The following PCDHGA3 variants were observed in gnomAD, a reference collection of about 807,000 sequenced individuals.
The protein encoded by PCDHGA3 is protocadherin gamma-A3.
In PCDHGA3, 40 loss-of-function variants were observed where a neutral mutation model predicts 58.5. That is an observed-to-expected ratio of 0.68 (90% CI 0.53 to 0.89). The LOEUF (loss-of-function observed/expected upper bound fraction) is 0.89, where lower values mean the gene tolerates loss of function less well. Ranked by LOEUF, PCDHGA3 falls within the 40% of genes least tolerant of loss-of-function variation. The pLI is 0.00. For synonymous variants in PCDHGA3, 530 were observed against 525.7 expected (o/e 1.01, Z -0.11); for missense variants, 1,223 against 1,195.9 (o/e 1.02, Z -0.33).
At chr5:141,481,894 A>G (rs1278425155) in intron 1 of PCDHGA3, among the ~76,000 whole-genome samples, 1 of 145,812 alleles carries the variant, frequency 6.9e-6, no homozygotes, top group Non-Finnish European at 1.5e-5. Flanking sequence ...AGCCTGGGTG[A>G]AAGAGCGAAA....
intron 1 of PCDHGA3, chr5:141,409,744 G>A (rs1255485257): frequency 6.2e-7 from 1 of 1,612,978 alleles, no homozygotes; most frequent in Non-Finnish European, 8.5e-7. Flanking sequence ...GCGGGGTGGT[G>A]TTCGCGCAGC....
At chr5:141,450,653 A>AT (rs2098689237) in intron 1 of PCDHGA3, among the ~76,000 whole-genome samples, 1 of 151,192 alleles carries the variant, frequency 6.6e-6, no homozygotes, top group Non-Finnish European at 1.5e-5. Context: ...TGCCTGGCTA[A>AT]TTTTTGTACT....
At chr5:141,421,720 G>A (rs372813759) in intron 1 of PCDHGA3, 4 of 1,613,788 alleles carry the variant, frequency 2.5e-6, no homozygotes, top group Non-Finnish European at 3.4e-6. Context: ...AGATGTGGGC[G>A]TGAACTCCCT....
At chr5:141,390,377 T>G in intron 1 of PCDHGA3, 9 of 1,463,992 alleles carry the variant, frequency 6.1e-6, no homozygotes, top group Non-Finnish European at 8.4e-6. Flanking sequence ...TATATAATTT[T>G]TAGATGTCAT....
intron 1 of PCDHGA3, among the ~76,000 whole-genome samples, chr5:141,473,195 C>G (rs1053769499): frequency 6.6e-6 from 1 of 152,104 alleles, no homozygotes; most frequent in Non-Finnish European, 1.5e-5. Flanking sequence ...GTAAATGTAT[C>G]TTCTAAAAAA....
chr5:141,365,520 C>G (rs749868232), intron 1 of PCDHGA3: 1 of 1,613,828 alleles, frequency 6.2e-7, no homozygotes, highest in East Asian at 2.2e-5. Context: ...TTGGAGAAGT[C>G]AGTTGATAAT....
intron 1 of PCDHGA3, among the ~76,000 whole-genome samples, chr5:141,382,034 G>A (rs574726397): frequency 6.6e-5 from 10 of 151,712 alleles, no homozygotes; most frequent in African/African-American, 2.4e-4. Flanking sequence ...TCTCCATGTT[G>A]GTCAGGCTGG....
chr5:141,500,365 C>T (rs888624200), intron 2 of PCDHGA3, among the ~76,000 whole-genome samples: 5 of 151,956 alleles, frequency 3.3e-5, no homozygotes, highest in South Asian at 2.1e-4. Flanking sequence ...CCCACTACCA[C>T]GCCCGGCTAA....
Position 141,372,039 on chromosome 5 carries a change from C to A in PCDHGA3, c.2424+25582C>A, listed in dbSNP as rs757866605. 4.3e-6 allele frequency: 7 copies of A among 1,613,350 alleles called. No homozygotes were observed. Among genetic ancestry groups the A allele is most frequent in the Admixed American group, 1.7e-5 (1 of 59,996 alleles). ...TACGCTCAGCGCCAACGTGAGCCTG[C>A]GCGTGTTGGTGGACGACCGCAACGA... On this transcript the variant is annotated intron_variant, in intron 1 of 3. Coordinates refer to ENST00000253812, the MANE Select transcript of PCDHGA3 (RefSeq NM_018916.4).
chr5:141,394,001 G>A (rs766773377), intron 1 of PCDHGA3: 4 of 1,613,340 alleles, frequency 2.5e-6, no homozygotes, highest in Admixed American at 1.7e-5. Context: ...AATTAGAAAA[G>A]TCAATAGGTA....
At chr5:141,389,243 T>C (rs370534911) in intron 1 of PCDHGA3, 4 of 1,614,056 alleles carry the variant, frequency 2.5e-6, no homozygotes, top group Non-Finnish European at 3.4e-6. Flanking sequence ...TCTCACAGTC[T>C]TCCTATATAG....
At position 141,433,052 on chromosome 5, in the gene PCDHGA3, A is replaced by G. The variant is rs757503771; in HGVS notation, c.2425-61755A>G. The G allele has an allele frequency of 3.1e-6, 5 of 1,614,178 alleles. No individual in the cohort carries two copies. In the Admixed American group the frequency reaches 8.3e-5, roughly 27 times the overall value. ...GGTTTCCCTCACCACGGACTCGCGG[A>G]AGAGTCACCTGATCTTCCCCCAGCC... On this transcript the variant is annotated intron_variant, in intron 1 of 3. Transcript: ENST00000253812.
chr5:141,412,805 A>G (rs2095578499), intron 1 of PCDHGA3, among the ~76,000 whole-genome samples: 1 of 152,246 alleles, frequency 6.6e-6, no homozygotes, highest in Non-Finnish European at 1.5e-5. Context: ...ACCTCCCCTA[A>G]GAAACCTACA....
intron 1 of PCDHGA3, among the ~76,000 whole-genome samples, chr5:141,481,063 C>T (rs2154578481): frequency 6.6e-6 from 1 of 151,952 alleles, no homozygotes; most frequent in Middle Eastern, 3.4e-3. Context: ...ACCTCAAAAA[C>T]AAAAAGAAAG....
Position 141,486,107 on chromosome 5 carries a change from A to T in PCDHGA3, c.2425-8700A>T, listed in dbSNP as rs758269750. ...TCTTTTGGGGCCCCTAGACTTTGAG[A>T]GTGAGAATTACTATGAATTTGATGT... is the stretch of plus-strand genomic sequence containing the variant. On this transcript the variant is annotated intron_variant, in intron 1 of 3. Transcript: ENST00000253812. The surrounding 1 kb of genome is among the most constrained non-coding windows in gnomAD (Gnocchi z 5.0). The T allele has an allele frequency of 6.2e-7, 1 of 1,614,102 alleles. No individual in the cohort carries two copies. Among genetic ancestry groups the T allele is most frequent in the South Asian group, 1.1e-5 (1 of 91,080 alleles).
rs1452734533 is a variant in PCDHGA3 at position 141,345,231 on chromosome 5, C to G, written c.1198C>G (p.Gln400Glu). 6.2e-7 allele frequency: 1 copy of G among 1,613,934 alleles called. No individual in the cohort carries two copies. Among genetic ancestry groups the G allele is most frequent in the Non-Finnish European group, 8.5e-7 (1 of 1,179,888 alleles). The change falls in exon 1 of 4, where the codon CAA becomes GAA. Residue 400 changes from glutamine (Q) to glutamate (E), a missense_variant. Coordinates refer to ENST00000253812, the MANE Select transcript of PCDHGA3 (RefSeq NM_018916.4). Reference sequence around the variant, plus strand: ...ATTTAAGTTAGAAAAATCAATAGATCAATATTACCGCTTAGTGACGGCCAC... The same window carrying G: ...ATTTAAGTTAGAAAAATCAATAGATGAATATTACCGCTTAGTGACGGCCAC... ...LPFKLEKSIDQYYRLVTATSL... is the reference protein window; with the variant it reads ...LPFKLEKSIDEYYRLVTATSL...
rs2099389707 is a variant in PCDHGA3, at chr5:141,476,358, G to A, written c.2425-18449G>A. On this transcript the variant is annotated intron_variant, in intron 1 of 3. Transcript: ENST00000253812. This position sits in a 1 kb window ranked among gnomAD's most constrained non-coding sequence, Gnocchi z 7.6. ...AGCCGAAGATTCTTTGAGGTGAACC[G>A]GGAGACCGGAGAGATGTTTGTGAAC... 6.2e-7 allele frequency: 1 copy of A among 1,614,134 alleles called. No individual in the cohort carries two copies. The highest frequency in any genetic ancestry group is 8.5e-7 in the Non-Finnish European group (1 of 1,180,022).
At chr5:141,387,637 G>C in intron 1 of PCDHGA3, 1 of 603,262 alleles carries the variant, frequency 1.7e-6, no homozygotes, top group Non-Finnish European at 2.8e-6. Flanking sequence ...GGGCGCCGCT[G>C]TTGGCCAAAG....
At chr5:141,418,844 A>G (rs781310201) in intron 1 of PCDHGA3, 2 of 1,613,936 alleles carry the variant, frequency 1.2e-6, no homozygotes, top group South Asian at 2.2e-5. Context: ...ATCTCTCTCA[A>G]CACGGTGTAA....
Sources: allele counts gnomAD v4.1 joint callset (sites outside exome capture counted in the v4.1 genomes callset), GRCh38; gene constraint gnomAD v4.1.1; non-coding constraint Gnocchi (gnomAD v3.1); transcripts MANE v1.5; gene names NCBI Gene and HGNC (gene_info 2026-07-23, HGNC 2026-07-21).